The following COL25A1 variants were observed in gnomAD, a reference collection of about 807,000 sequenced individuals.
COL25A1 encodes the protein collagen alpha-1(XXV) chain.
COL25A1 carries 103 observed loss-of-function variants against 128.4 expected under a neutral mutation model. That is an observed-to-expected ratio of 0.80 (90% CI 0.68 to 0.94). The LOEUF (loss-of-function observed/expected upper bound fraction) is 0.94. Ranked by LOEUF, COL25A1 falls within the 40% of genes least tolerant of loss-of-function variation. The pLI is 0.00. For synonymous variants in COL25A1, 279 were observed against 277.2 expected (o/e 1.01, Z -0.06); for missense variants, 745 against 840.0 (o/e 0.89, Z 1.40).
At chr4:109,091,836 GAAGGGTCTGGCTGCTCTGCAT>G in intron 3 of COL25A1, among the ~76,000 whole-genome samples, 1 of 152,068 alleles carries the variant, frequency 6.6e-6, no homozygotes, top group East Asian at 1.9e-4. Flanking sequence ...CACTTATTTT[GAAGGGTCTGGCTGCTCTGCAT>G]AAACACACAA....
chr4:108,997,647 C>G (rs1430285374), intron 6 of COL25A1, among the ~76,000 whole-genome samples: 2 of 152,114 alleles, frequency 1.3e-5, no homozygotes, highest in African/African-American at 4.8e-5. Flanking sequence ...ATCCTGATAC[C>G]AAAGCCTGGT....
At chr4:109,207,677 A>G (rs1301647745) in intron 3 of COL25A1, among the ~76,000 whole-genome samples, 1 of 152,212 alleles carries the variant, frequency 6.6e-6, no homozygotes, top group Non-Finnish European at 1.5e-5. Context: ...ACATTGCCCC[A>G]TAATTCAAAA....
chr4:108,905,850 C>CGGGGG (rs1158394651), intron 13 of COL25A1, among the ~76,000 whole-genome samples: 1 of 124,344 alleles, frequency 8.0e-6, no homozygotes, highest in African/African-American at 3.7e-5. Context: ...AGCAGTATGT[C>CGGGGG]GGGGGGGGGT....
intron 3 of COL25A1, among the ~76,000 whole-genome samples, chr4:109,290,736 A>G (rs1434583899): frequency 1.3e-5 from 2 of 152,106 alleles, no homozygotes; most frequent in Non-Finnish European, 2.9e-5. Flanking sequence ...TGGACCACAC[A>G]TTAACATTAA....
chr4:109,009,473 A>G (rs1756368147), intron 6 of COL25A1, among the ~76,000 whole-genome samples: 1 of 152,230 alleles, frequency 6.6e-6, no homozygotes, highest in Non-Finnish European at 1.5e-5. Context: ...TAATATTCTT[A>G]TGATCTGGTA....
intron 3 of COL25A1, among the ~76,000 whole-genome samples, chr4:109,178,171 A>G (rs1414074796): frequency 2.6e-5 from 4 of 152,180 alleles, no homozygotes; most frequent in Admixed American, 6.5e-5. Context: ...CCTTATGCCA[A>G]TCATTCAAAT....
At chr4:109,172,204 G>A (rs1378730080) in intron 3 of COL25A1, among the ~76,000 whole-genome samples, 1 of 152,060 alleles carries the variant, frequency 6.6e-6, no homozygotes, top group African/African-American at 2.4e-5. Context: ...GTTGCACCAG[G>A]CACTGTGCTA....
At chr4:108,897,852 G>A (rs559880154) in intron 15 of COL25A1, among the ~76,000 whole-genome samples, 7 of 152,262 alleles carry the variant, frequency 4.6e-5, no homozygotes, top group Admixed American at 3.9e-4. Context: ...TAAGCATGAA[G>A]TTAGTCTGCC....
At chr4:108,964,452 C>T (rs538375168) in intron 8 of COL25A1, among the ~76,000 whole-genome samples, 1 of 152,002 alleles carries the variant, frequency 6.6e-6, no homozygotes, top group South Asian at 2.1e-4. Flanking sequence ...AACTGAATTA[C>T]TATATTTATT....
intron 3 of COL25A1, among the ~76,000 whole-genome samples, chr4:109,171,269 G>A (rs1463114059): frequency 6.6e-6 from 1 of 152,146 alleles, no homozygotes; most frequent in African/African-American, 2.4e-5. Flanking sequence ...TATAAAGATT[G>A]AGTAAAAGAG....
intron 3 of COL25A1, among the ~76,000 whole-genome samples, chr4:109,289,901 C>T (rs1240148026): frequency 6.6e-6 from 1 of 151,952 alleles, no homozygotes; most frequent in East Asian, 1.9e-4. Context: ...TTTTAGGAAT[C>T]CAATGAACAT....
At chr4:109,246,238 G>A (rs926921528) in intron 3 of COL25A1, among the ~76,000 whole-genome samples, 1 of 152,060 alleles carries the variant, frequency 6.6e-6, no homozygotes, top group African/African-American at 2.4e-5. Context: ...TTACATGTAA[G>A]TGCCAATATC....
chr4:108,832,962 G>A (rs1333433290), intron 31 of COL25A1, among the ~76,000 whole-genome samples: 6 of 2,988 alleles, frequency 2.0e-3, no homozygotes, highest in East Asian at 0.014. Flanking sequence ...GCGAGACTCC[G>A]TCTCAAAAAA....
intron 3 of COL25A1, among the ~76,000 whole-genome samples, chr4:109,163,371 T>C (rs1282200239): frequency 2.0e-5 from 3 of 152,214 alleles, no homozygotes; most frequent in Non-Finnish European, 2.9e-5. Flanking sequence ...TTCCACCAGA[T>C]ACAATGGCCT....
intron 3 of COL25A1, among the ~76,000 whole-genome samples, chr4:109,081,090 T>C (rs1449864550): frequency 5.3e-5 from 8 of 152,190 alleles, no homozygotes; most frequent in Admixed American, 4.6e-4. Context: ...ATGGTCAATA[T>C]TTCCCCCAAG....
At chr4:109,067,283 T>G (rs1050635238) in intron 3 of COL25A1, among the ~76,000 whole-genome samples, 4 of 152,170 alleles carry the variant, frequency 2.6e-5, no homozygotes, top group African/African-American at 9.7e-5. Flanking sequence ...TTCATCTGAC[T>G]CACTATAGAA....
At chr4:109,280,938 T>C (rs1457187151) in intron 3 of COL25A1, among the ~76,000 whole-genome samples, 1 of 152,132 alleles carries the variant, frequency 6.6e-6, no homozygotes, top group Non-Finnish European at 1.5e-5. Context: ...TAAAGTGTCA[T>C]AATATCTACA....
intron 3 of COL25A1, among the ~76,000 whole-genome samples, chr4:109,068,400 G>A (rs1762638153): frequency 6.6e-6 from 1 of 152,024 alleles, no homozygotes; most frequent in East Asian, 1.9e-4. Context: ...AGAGAGGAAG[G>A]AAGGAAAGAG....
At chr4:109,256,757 A>G (rs1474600041) in intron 3 of COL25A1, among the ~76,000 whole-genome samples, 1 of 152,142 alleles carries the variant, frequency 6.6e-6, no homozygotes, top group East Asian at 1.9e-4. Flanking sequence ...TTAAATCTTT[A>G]GGTCTGAGTT....
Sources: allele counts gnomAD v4.1 joint callset (sites outside exome capture counted in the v4.1 genomes callset), GRCh38; gene constraint gnomAD v4.1.1; transcripts MANE v1.5; gene names NCBI Gene and HGNC (gene_info 2026-07-23, HGNC 2026-07-21).